EPM2A: variants seen among roughly 807,000 people sequenced by gnomAD.
EPM2A encodes the protein laforin.
EPM2A carries 21 observed loss-of-function variants against 26.5 expected under a neutral mutation model. The observed-to-expected ratio is 0.79, with a 90% CI of 0.56 to 1.14. The LOEUF (loss-of-function observed/expected upper bound fraction) is 1.14, where lower values mean the gene tolerates loss of function less well. Ranked by LOEUF, EPM2A falls within the 50% of genes most tolerant of loss-of-function variation. The probability of loss-of-function intolerance (pLI) is 0.00; values close to 1 mark genes in which losing one functional copy is unlikely to be tolerated. For synonymous variants in EPM2A, 217 were observed against 177.6 expected (o/e 1.22, Z -1.76); for missense variants, 458 against 440.8 (o/e 1.04, Z -0.35).
intron 4 of EPM2A, among the ~76,000 whole-genome samples, chr6:145,397,212 C>T (rs903363400): frequency 4.6e-5 from 7 of 152,064 alleles, no homozygotes; most frequent in Non-Finnish European, 8.8e-5. Context: ...AGGAGGATAG[C>T]TTGAGGATAG....
intron 4 of EPM2A, among the ~76,000 whole-genome samples, chr6:145,400,989 A>T (rs9376926): frequency 2.6e-5 from 4 of 151,948 alleles, no homozygotes; most frequent in Non-Finnish European, 5.9e-5. Context: ...TGAAAAAAAT[A>T]TTAGATTAAG....
chr6:145,615,309 C>A (rs73568366), intron 2 of EPM2A, among the ~76,000 whole-genome samples: 1 of 152,126 alleles, frequency 6.6e-6, no homozygotes, highest in Non-Finnish European at 1.5e-5. Context: ...CATAAACCCT[C>A]TTCTCTTGTC....
At chr6:145,477,052 G>A (rs1331252818) in intron 4 of EPM2A, among the ~76,000 whole-genome samples, 1 of 151,516 alleles carries the variant, frequency 6.6e-6, no homozygotes, top group African/African-American at 2.4e-5. Flanking sequence ...CTTTCAGCCA[G>A]ACTAAGAAAA....
chr6:145,697,543 G>A (rs1432890940), intron 1 of EPM2A, among the ~76,000 whole-genome samples: 17 of 152,134 alleles, frequency 1.1e-4, no homozygotes, highest in Non-Finnish European at 1.5e-5. Context: ...TAATAAGCCT[G>A]GGAGCACTAT....
chr6:145,702,620 C>T (rs1344978885), intron 1 of EPM2A, among the ~76,000 whole-genome samples: 2 of 152,220 alleles, frequency 1.3e-5, no homozygotes, highest in African/African-American at 2.4e-5. Context: ...TATTACCTTA[C>T]ACCTCTTCCA....
At chr6:145,427,728 A>T (rs368538349) in intron 4 of EPM2A, among the ~76,000 whole-genome samples, 1 of 152,174 alleles carries the variant, frequency 6.6e-6, no homozygotes, top group East Asian at 1.9e-4. Flanking sequence ...TCATCAGACT[A>T]TACTTTTTCA....
At chr6:145,499,662 C>T (rs900830755), downstream of EPM2A, among the ~76,000 whole-genome samples, 1 of 152,178 alleles carries the variant, frequency 6.6e-6, no homozygotes, top group Non-Finnish European at 1.5e-5. Flanking sequence ...TGAATGTTAG[C>T]ACAGTGGCTT....
At chr6:145,607,897 T>A (rs949585891) in intron 2 of EPM2A, among the ~76,000 whole-genome samples, 1 of 152,194 alleles carries the variant, frequency 6.6e-6, no homozygotes, top group African/African-American at 2.4e-5. Context: ...AAATTACATT[T>A]ATACTTCAAA....
At chr6:145,659,998 G>T (rs891002320) in intron 2 of EPM2A, among the ~76,000 whole-genome samples, 3 of 152,118 alleles carry the variant, frequency 2.0e-5, no homozygotes, top group African/African-American at 7.2e-5. Flanking sequence ...GGCTAGGGCA[G>T]GTGGGAGGTG....
intron 4 of EPM2A, chr6:145,490,812 T>G: frequency 1.7e-6 from 1 of 594,868 alleles, no homozygotes; most frequent in East Asian, 4.4e-5. Context: ...TGTATGCTTG[T>G]AGGGTCAGAT....
chr6:145,612,867 A>G (rs1775422324), intron 2 of EPM2A, among the ~76,000 whole-genome samples: 1 of 151,882 alleles, frequency 6.6e-6, no homozygotes, highest in African/African-American at 2.4e-5. Context: ...TCTTGCCTCA[A>G]TGTTGATGGC....
chr6:145,432,662 G>T (rs1244082885), intron 4 of EPM2A, among the ~76,000 whole-genome samples: 1 of 152,072 alleles, frequency 6.6e-6, no homozygotes, highest in African/African-American at 2.4e-5. Flanking sequence ...GTTTTAGAAT[G>T]GTAAATGAGT....
intron 4 of EPM2A, among the ~76,000 whole-genome samples, chr6:145,385,021 G>A (rs1778240197): frequency 6.8e-6 from 1 of 147,022 alleles, no homozygotes. Flanking sequence ...AAATATCAAG[G>A]AAATGTAAAT....
At chr6:145,685,098 C>A (rs1780812234) in intron 2 of EPM2A, among the ~76,000 whole-genome samples, 1 of 152,148 alleles carries the variant, frequency 6.6e-6, no homozygotes, top group Non-Finnish European at 1.5e-5. Flanking sequence ...CAATAAATAA[C>A]ACTTACATAA....
rs1256385215 is a variant in EPM2A at position 145,627,394 on chromosome 6, G to C, written c.*22C>G. On this transcript the variant is annotated 3_prime_UTR_variant, in exon 4 of 4. Coordinates refer to ENST00000367519, the MANE Select transcript of EPM2A (RefSeq NM_005670.4). The stretch of plus-strand genomic sequence containing the variant: ...CCAGGCTCCTTAGGGAAATCAGGAG[G>C]GGGCAGAAGCAGGCTGACCAGCTAC... The C allele has an allele frequency of 1.9e-6, 3 of 1,613,612 alleles. No homozygotes were observed. Among genetic ancestry groups the C allele is most frequent in the African/African-American group, 2.7e-5 (2 of 74,932 alleles).
chr6:145,635,871 T>G (rs1776638118), intron 2 of EPM2A: 1 of 191,706 alleles, frequency 5.2e-6, no homozygotes, highest in African/African-American at 2.4e-5. Flanking sequence ...ATAAATAAAT[T>G]CTGAAAAACA....
chr6:145,423,084 C>T (rs1216158382), intron 4 of EPM2A, among the ~76,000 whole-genome samples: 2 of 152,006 alleles, frequency 1.3e-5, no homozygotes, highest in South Asian at 4.1e-4. Context: ...TTTTCTCATA[C>T]TCTCTGCCTG....
chr6:145,395,829 G>T (rs945859381), intron 4 of EPM2A, among the ~76,000 whole-genome samples: 1 of 152,086 alleles, frequency 6.6e-6, no homozygotes, highest in Non-Finnish European at 1.5e-5. Context: ...TTTTATCAGA[G>T]ATTCTGCTGT....
chr6:145,465,454 C>T (rs1779376897), intron 4 of EPM2A, among the ~76,000 whole-genome samples: 1 of 152,030 alleles, frequency 6.6e-6, no homozygotes, highest in African/African-American at 2.4e-5. Flanking sequence ...TTGTCTGAAG[C>T]CTTCTTCTCT....
Sources: allele counts gnomAD v4.1 joint callset (sites outside exome capture counted in the v4.1 genomes callset), GRCh38; gene constraint gnomAD v4.1.1; transcripts MANE v1.5; gene names NCBI Gene and HGNC (gene_info 2026-07-23, HGNC 2026-07-21).